Variants in ATP8A2 observed in about 807,000 individuals in gnomAD.
ATP8A2 encodes the protein phospholipid-transporting ATPase IB.
In ATP8A2, 100 loss-of-function variants were observed where a neutral mutation model predicts 165.6. The observed-to-expected ratio is 0.60, with a 90% CI of 0.51 to 0.71. The LOEUF is 0.71. Among genes scored for constraint, ATP8A2 ranks in the 30% least tolerant of loss-of-function variants. ATP8A2 has a pLI of 0.00. For missense variants in ATP8A2, 1,227 were observed against 1,479.5 expected (o/e 0.83, Z 2.80); for synonymous variants, 543 against 548.8 (o/e 0.99, Z 0.15).
At chr13:25,649,501 T>C (rs938325789) in intron 24 of ATP8A2, among the ~76,000 whole-genome samples, 2 of 152,186 alleles carry the variant, frequency 1.3e-5, no homozygotes, top group African/African-American at 4.8e-5. Flanking sequence ...GTTGAAGTTT[T>C]CCTTCCTGCC....
chr13:25,510,606 T>A (rs996758457), intron 2 of ATP8A2, among the ~76,000 whole-genome samples: 3 of 152,190 alleles, frequency 2.0e-5, no homozygotes, highest in Admixed American at 6.5e-5. Flanking sequence ...TAGACTCTTA[T>A]GGGGCAGATG....
chr13:25,864,263 G>A (rs1044155709), intron 33 of ATP8A2, among the ~76,000 whole-genome samples: 3 of 148,892 alleles, frequency 2.0e-5, no homozygotes, highest in African/African-American at 7.3e-5. Context: ...GGGTCGCTTG[G>A]CATGTGACTG....
intron 25 of ATP8A2, among the ~76,000 whole-genome samples, chr13:25,723,105 C>T (rs2043416604): frequency 6.6e-6 from 1 of 152,160 alleles, no homozygotes; most frequent in South Asian, 2.1e-4. Flanking sequence ...TGGCTTCTTG[C>T]CAGATTTCAA....
intron 27 of ATP8A2, among the ~76,000 whole-genome samples, chr13:25,791,542 T>TACACACACACACACACACACACAC (rs55661899): frequency 1.1e-4 from 16 of 142,980 alleles, no homozygotes; most frequent in African/African-American, 3.9e-4. Flanking sequence ...CACACACACA[T>TACACACACACACACACACACACAC]ACACACACAC....
At chr13:25,798,047 A>AT (rs987935854) in intron 27 of ATP8A2, among the ~76,000 whole-genome samples, 1 of 151,956 alleles carries the variant, frequency 6.6e-6, no homozygotes, top group Non-Finnish European at 1.5e-5. Context: ...TCCATGATTA[A>AT]TTTTTTTTCA....
rs199978791 is a variant in ATP8A2 at position 26,007,302 on chromosome 13, GA to G, written c.3378-5224del. Among the ~76,000 whole-genome samples the G allele has an allele frequency of 6.0e-4, 91 of 152,218 alleles. No individual in the cohort carries two copies. The East Asian group carries it at 0.015, about 26-fold the overall frequency. On this transcript the variant is annotated intron_variant, in intron 35 of 36. Coordinates refer to ENST00000381655, the MANE Select transcript of ATP8A2 (RefSeq NM_016529.6). ...CTCCAAAGAAGAGAAGGGTAAATTG[GA>G]AAAATAATGTTCCTTGACATTTCAA...
At chr13:25,806,857 T>C (rs1950751554) in intron 27 of ATP8A2, among the ~76,000 whole-genome samples, 2 of 152,362 alleles carry the variant, frequency 1.3e-5, no homozygotes, top group Admixed American at 1.3e-4. Flanking sequence ...TGTCTTTTTT[T>C]ACTATAACCA....
chr13:25,626,419 C>G (rs939235945), intron 24 of ATP8A2, among the ~76,000 whole-genome samples: 2 of 152,106 alleles, frequency 1.3e-5, no homozygotes, highest in African/African-American at 4.8e-5. Flanking sequence ...CTTTTAAAGT[C>G]ACCAGTACCA....
intron 24 of ATP8A2, among the ~76,000 whole-genome samples, chr13:25,613,421 A>G (rs747552816): frequency 2.6e-5 from 4 of 152,178 alleles, no homozygotes; most frequent in Admixed American, 6.6e-5. Flanking sequence ...TAAAAATACA[A>G]AAATTAGCTT....
At chr13:25,396,096 C>T (rs1328594732) in intron 1 of ATP8A2, among the ~76,000 whole-genome samples, 1 of 152,200 alleles carries the variant, frequency 6.6e-6, no homozygotes, top group African/African-American at 2.4e-5. Context: ...CCCGCCTTGG[C>T]CTCCCAAAGT....
At position 25,786,622 on chromosome 13, in the gene ATP8A2, T is replaced by C. The variant is rs914775422; in HGVS notation, c.2679+11663T>C. ...TGTTAACTAGAAGCTTTTACTTCCC[T>C]GTTAGTTCCACCTTAGAGGTTGCCT... is the stretch of plus-strand genomic sequence containing the variant. On this transcript the variant is annotated intron_variant, in intron 27 of 36. Coordinates refer to ENST00000381655, the MANE Select transcript of ATP8A2 (RefSeq NM_016529.6). 2.6e-4 allele frequency among the ~76,000 whole-genome samples: 39 copies of C among 152,230 alleles called. 1 individual carries two copies. The highest frequency in any genetic ancestry group is 9.4e-4 in the African/African-American group (39 of 41,470).
chr13:25,498,746 G>A lies in ATP8A2; in HGVS notation c.221+29625G>A, dbSNP rs543199039. On this transcript the variant is annotated intron_variant, in intron 2 of 36. Transcript: ENST00000381655. The stretch of plus-strand genomic sequence containing the variant: ...TTTGTTGAGAACATACTATGTCCCC[G>A]ATGCCGTTATAAACATTTTATTTCT... Among the ~76,000 whole-genome samples, 51 of 152,292 alleles carry A rather than the reference G, an allele frequency of 3.3e-4. 1 individual carries two copies. The South Asian group carries it at 0.01, about 30-fold the overall frequency.
At chr13:25,668,387 G>A (rs972191419) in intron 24 of ATP8A2, among the ~76,000 whole-genome samples, 5 of 152,164 alleles carry the variant, frequency 3.3e-5, no homozygotes, top group African/African-American at 1.2e-4. Context: ...TGAGAAATTG[G>A]CAGTTGATTT....
chr13:25,447,120 AT>A (rs1566139608), intron 1 of ATP8A2, among the ~76,000 whole-genome samples: 1 of 152,176 alleles, frequency 6.6e-6, no homozygotes, highest in Non-Finnish European at 1.5e-5. Context: ...ACAAACTAAA[AT>A]TTTCATCTTT....
At chr13:25,648,901 C>T in intron 24 of ATP8A2, 1 of 431,178 alleles carries the variant, frequency 2.3e-6, no homozygotes, top group Admixed American at 2.6e-5. Context: ...AGATGTGGAA[C>T]CCATGAATAT....
chr13:26,017,038 T>C (rs572506475), intron 36 of ATP8A2, among the ~76,000 whole-genome samples: 3 of 152,280 alleles, frequency 2.0e-5, no homozygotes, highest in South Asian at 4.1e-4. Flanking sequence ...CTGCAGCCAC[T>C]TGGGGCCACC....
chr13:25,947,173 G>A (rs1160915337), intron 33 of ATP8A2, among the ~76,000 whole-genome samples: 2 of 152,186 alleles, frequency 1.3e-5, no homozygotes, highest in Non-Finnish European at 2.9e-5. Context: ...TCTGATTTAG[G>A]ATCCAGGGGT....
At chr13:25,861,732 T>C (rs1471510161) in intron 32 of ATP8A2, among the ~76,000 whole-genome samples, 1 of 152,120 alleles carries the variant, frequency 6.6e-6, no homozygotes, top group Admixed American at 6.6e-5. Flanking sequence ...ATGGATTAGA[T>C]TGTGGGGTGT....
At chr13:25,549,981 C>A (rs1384942218) in intron 10 of ATP8A2, among the ~76,000 whole-genome samples, 2 of 152,038 alleles carry the variant, frequency 1.3e-5, no homozygotes, top group Non-Finnish European at 2.9e-5. Context: ...TAATTTAATC[C>A]CATCCGCAAA....
Sources: gnomAD v4.1 joint callset for allele counts (sites outside exome capture counted in the v4.1 genomes callset) on GRCh38, gnomAD v4.1.1 for gene constraint, MANE v1.5 for transcripts, NCBI Gene and HGNC (gene_info 2026-07-23, HGNC 2026-07-21) for gene names.